The following TEAD1 variants were observed in gnomAD, a reference collection of about 807,000 sequenced individuals.
TEAD1 encodes the protein transcriptional enhancer factor TEF-1.
A neutral mutation model predicts 54.9 loss-of-function variants in TEAD1; 9 were observed. The observed-to-expected ratio is 0.16, with a 90% CI of 0.10 to 0.29. The LOEUF (loss-of-function observed/expected upper bound fraction) is 0.29. Ranked by LOEUF, TEAD1 falls within the 10% of genes least tolerant of loss-of-function variation. The pLI is 1.00. For synonymous variants in TEAD1, 200 were observed against 187.8 expected, an observed-to-expected ratio of 1.07 and a Z score of -0.53; for missense variants, 387 against 535.9, an observed-to-expected ratio of 0.72 and a Z score of 2.74.
chr11:12,747,323 T>A (rs1269142968), intron 2 of TEAD1, among the ~76,000 whole-genome samples: 1 of 152,010 alleles, frequency 6.6e-6, no homozygotes, highest in African/African-American at 2.4e-5. Context: ...ATTTTTTAAT[T>A]TTTAAAATTT....
At chr11:12,695,712 C>T (rs1943566578) in intron 2 of TEAD1, among the ~76,000 whole-genome samples, 1 of 152,170 alleles carries the variant, frequency 6.6e-6, no homozygotes, top group African/African-American at 2.4e-5. Flanking sequence ...ATGAAAAACC[C>T]AGTGGCTTTT....
At chr11:12,916,899 GAA>G (rs1766497466) in intron 10 of TEAD1, among the ~76,000 whole-genome samples, 1 of 152,160 alleles carries the variant, frequency 6.6e-6, no homozygotes, top group Non-Finnish European at 1.5e-5. Context: ...GGAAAGGAGA[GAA>G]AACTGCAGAA....
intron 9 of TEAD1, among the ~76,000 whole-genome samples, chr11:12,900,505 C>T (rs1948407383): frequency 6.6e-6 from 1 of 152,168 alleles, no homozygotes. Flanking sequence ...CTTATTTAAA[C>T]CCTGTAACAA....
chr11:12,695,396 T>A (rs990809880), intron 2 of TEAD1, among the ~76,000 whole-genome samples: 2 of 152,256 alleles, frequency 1.3e-5, no homozygotes, highest in Non-Finnish European at 2.9e-5. Flanking sequence ...TTTTTCCTTA[T>A]GTTAAGAGAG....
chr11:12,793,080 CAAAA>C (rs917625509), intron 3 of TEAD1, among the ~76,000 whole-genome samples: 3 of 151,132 alleles, frequency 2.0e-5, no homozygotes, highest in African/African-American at 7.3e-5. Flanking sequence ...CAAAACAAAA[CAAAA>C]AAGATTTTTG....
intron 3 of TEAD1, among the ~76,000 whole-genome samples, chr11:12,807,491 C>T (rs905672480): frequency 3.9e-5 from 6 of 152,182 alleles, no homozygotes; most frequent in Admixed American, 6.5e-5. Flanking sequence ...ACTTAACCTT[C>T]TCTAAGTTTC....
At chr11:12,867,697 T>A (rs890270184) in intron 5 of TEAD1, among the ~76,000 whole-genome samples, 4 of 152,186 alleles carry the variant, frequency 2.6e-5, no homozygotes, top group African/African-American at 9.7e-5. Context: ...GGGACAAGCA[T>A]CTTTACCGAG....
At chr11:12,751,668 A>C (rs946694922) in intron 2 of TEAD1, among the ~76,000 whole-genome samples, 8 of 152,176 alleles carry the variant, frequency 5.3e-5, no homozygotes, top group Admixed American at 2.6e-4. Context: ...TGAAACAGAT[A>C]ATTAGAAAAC....
At chr11:12,887,478 G>A (rs1948115369) in intron 9 of TEAD1, among the ~76,000 whole-genome samples, 1 of 152,260 alleles carries the variant, frequency 6.6e-6, no homozygotes, top group Non-Finnish European at 1.5e-5. Context: ...GGGAAAAAGT[G>A]GTGGCTGACC....
At chr11:12,683,726 T>C (rs996192296) in intron 2 of TEAD1, among the ~76,000 whole-genome samples, 9 of 152,206 alleles carry the variant, frequency 5.9e-5, no homozygotes, top group Non-Finnish European at 1.2e-4. Flanking sequence ...AATGGGCTAC[T>C]ACAGATTTGA....
At chr11:12,908,804 A>G (rs1948563582) in intron 10 of TEAD1, among the ~76,000 whole-genome samples, 1 of 152,100 alleles carries the variant, frequency 6.6e-6, no homozygotes, top group Non-Finnish European at 1.5e-5. Flanking sequence ...TGATCAAGGA[A>G]TACGTGAAAT....
rs530081274 is a variant in TEAD1, at chr11:12,819,240, A to C, written c.203-43010A>C. 2.6e-5 allele frequency among the ~76,000 whole-genome samples: 4 copies of C among 151,680 alleles called. No homozygotes were observed. In the South Asian group the frequency reaches 8.4e-4, roughly 32 times the overall value. ...CTTGTACTGGTGACTGAGTGACTCC[A>C]AGGTGGCACCATTATCACCGGTGCT... On this transcript the variant is annotated intron_variant, in intron 3 of 12. Coordinates refer to ENST00000527636, the MANE Select transcript of TEAD1 (RefSeq NM_021961.6).
intron 2 of TEAD1, among the ~76,000 whole-genome samples, chr11:12,757,888 G>A (rs4341518): frequency 4.0e-5 from 6 of 151,182 alleles, no homozygotes; most frequent in African/African-American, 9.7e-5. Context: ...CAAGTGATTC[G>A]TCTGTCTCAG....
chr11:12,803,170 C>A (rs1405332637), intron 3 of TEAD1, among the ~76,000 whole-genome samples: 2 of 150,946 alleles, frequency 1.3e-5, no homozygotes, highest in African/African-American at 4.9e-5. Context: ...GAGGATTTTT[C>A]CCCCCTTTCC....
intron 9 of TEAD1, among the ~76,000 whole-genome samples, chr11:12,897,547 C>T (rs933015956): frequency 6.6e-6 from 1 of 152,174 alleles, no homozygotes; most frequent in Non-Finnish European, 1.5e-5. Flanking sequence ...AACAGAGTCA[C>T]CACCTCTTGG....
At chr11:12,840,246 CAAAAAA>C (rs1176865272) in intron 3 of TEAD1, among the ~76,000 whole-genome samples, 1 of 31,588 alleles carries the variant, frequency 3.2e-5, no homozygotes. Flanking sequence ...GACTCTGCCT[CAAAAAA>C]AAAAAAAAAA....
At chr11:12,694,867 G>C (rs558711959) in intron 2 of TEAD1, among the ~76,000 whole-genome samples, 5 of 152,268 alleles carry the variant, frequency 3.3e-5, no homozygotes, top group African/African-American at 9.6e-5. Context: ...TCTAAAAATA[G>C]CATGGGTAGA....
At chr11:12,821,686 T>TA (rs1175765191) in intron 3 of TEAD1, among the ~76,000 whole-genome samples, 1 of 152,216 alleles carries the variant, frequency 6.6e-6, no homozygotes, top group East Asian at 1.9e-4. Context: ...AATGGGTTTA[T>TA]AAAAAAATGC....
At chr11:12,735,104 G>A (rs748001281) in intron 2 of TEAD1, among the ~76,000 whole-genome samples, 7 of 152,190 alleles carry the variant, frequency 4.6e-5, no homozygotes, top group Non-Finnish European at 8.8e-5. Context: ...ATCTGGGGCC[G>A]TCCAGAAAAG....
Sources: gnomAD v4.1 joint callset for allele counts (sites outside exome capture counted in the v4.1 genomes callset) on GRCh38, gnomAD v4.1.1 for gene constraint, MANE v1.5 for transcripts, NCBI Gene and HGNC (gene_info 2026-07-23, HGNC 2026-07-21) for gene names.